The following CRK variants were observed in gnomAD, a reference collection of about 807,000 sequenced individuals.
CRK encodes the protein adapter molecule crk.
A neutral mutation model predicts 29.8 loss-of-function variants in CRK; 4 were observed. The observed-to-expected ratio is 0.13, with a 90% confidence interval of 0.07 to 0.31. The LOEUF (loss-of-function observed/expected upper bound fraction) is 0.31, where lower values mean the gene tolerates loss of function less well. Among genes scored for constraint, CRK ranks in the 10% least tolerant of loss-of-function variants. The pLI, the probability that CRK is intolerant of heterozygous loss-of-function variation, is 1.00. For synonymous variants in CRK, 153 were observed against 164.9 expected, an observed-to-expected ratio of 0.93 and a Z score of 0.55; for missense variants, 274 against 396.5, an observed-to-expected ratio of 0.69 and a Z score of 2.62.
At chr17:1,428,521 C>CTTTTTTTTTTT (rs754259440) in intron 2 of CRK, among the ~76,000 whole-genome samples, 2 of 111,198 alleles carry the variant, frequency 1.8e-5, no homozygotes, top group African/African-American at 3.5e-5. Flanking sequence ...CATATCAGAT[C>CTTTTTTTTTTT]TTTTTTTTTT....
intron 1 of CRK, among the ~76,000 whole-genome samples, chr17:1,448,471 A>C (rs1376676914): frequency 6.6e-6 from 1 of 151,344 alleles, no homozygotes; most frequent in African/African-American, 2.4e-5. Flanking sequence ...AAAAATGCAA[A>C]AATTAGCTGG....
intron 2 of CRK, among the ~76,000 whole-genome samples, chr17:1,431,163 C>T (rs151028854): frequency 0.011 from 1,748 of 152,272 alleles, 30 homozygotes; most frequent in African/African-American, 0.032. Flanking sequence ...CTCCTGAGGT[C>T]CCAAAGGCAC....
chr17:1,438,189 G>C (rs1035232352), intron 1 of CRK, among the ~76,000 whole-genome samples: 1 of 152,060 alleles, frequency 6.6e-6, no homozygotes, highest in Non-Finnish European at 1.5e-5. Flanking sequence ...GAGTGCAGTG[G>C]CACAATCACA....
At chr17:1,450,476 C>T (rs536705547) in intron 1 of CRK, among the ~76,000 whole-genome samples, 2 of 151,990 alleles carry the variant, frequency 1.3e-5, no homozygotes, top group Admixed American at 6.6e-5. Flanking sequence ...CACTGCCCTC[C>T]GGCCCGGCGT....
chr17:1,452,167 G>C (rs529473066), intron 1 of CRK, among the ~76,000 whole-genome samples: 14 of 152,274 alleles, frequency 9.2e-5, no homozygotes, highest in African/African-American at 3.1e-4. Flanking sequence ...ACTTCTGAAA[G>C]TCATTTATTA....
In CRK at chr17:1,453,649, G is replaced by C. The variant is rs1005540483; in HGVS notation, c.241+2228C>G. Reference sequence around the variant, plus strand: ...AGACTGGGTGTGGTGGCTCACGCCTGTAATCCCAACACTTTGGGAGTCTGA... The same window carrying C: ...AGACTGGGTGTGGTGGCTCACGCCTCTAATCCCAACACTTTGGGAGTCTGA... On this transcript the variant is annotated intron_variant, in intron 1 of 2. Transcript: ENST00000300574. 2.6e-5 allele frequency among the ~76,000 whole-genome samples: 4 copies of C among 152,216 alleles called. No individual in the cohort carries two copies. The South Asian group carries it at 8.3e-4, about 31-fold the overall frequency.
At chr17:1,433,897 A>G (rs2073867130) in intron 2 of CRK, among the ~76,000 whole-genome samples, 1 of 141,730 alleles carries the variant, frequency 7.1e-6, no homozygotes, top group South Asian at 2.2e-4. Flanking sequence ...ACCGGATCTC[A>G]CCATGTTGCC....
chr17:1,446,590 C>CTTTTT (rs56660089), intron 1 of CRK, among the ~76,000 whole-genome samples: 30 of 125,442 alleles, frequency 2.4e-4, no homozygotes, highest in Non-Finnish European at 2.9e-4. Context: ...CTCACTATGA[C>CTTTTT]TTTTTTTTTT....
Position 1,433,249 on chromosome 17 carries a change from G to A in CRK, c.777+3371C>T, listed in dbSNP as rs555389838. 1.9e-3 allele frequency among the ~76,000 whole-genome samples: 282 copies of A among 152,258 alleles called. 3 individuals are homozygous for A. Among genetic ancestry groups the A allele is most frequent in the African/African-American group, 6.1e-3 (255 of 41,566 alleles). On this transcript the variant is annotated intron_variant, in intron 2 of 2. Transcript: ENST00000300574. ...CACAGAACTGGTTTTCTTTGCTGGCGCAAACCCAGGTGACTGCTTTTCTAG... is the reference window on the plus strand; with the variant it reads ...CACAGAACTGGTTTTCTTTGCTGGCACAAACCCAGGTGACTGCTTTTCTAG...
In CRK at chr17:1,445,143, G is replaced by A. The variant is rs1428446081; in HGVS notation, c.242-7988C>T. Among the ~76,000 whole-genome samples the A allele has an allele frequency of 7.5e-5, 8 of 106,846 alleles. No individual in the cohort carries two copies. The South Asian group carries it at 9.5e-4, about 13-fold the overall frequency. 70.1% of individuals were successfully genotyped at this position (106,846 alleles called of 152,430 possible). On this transcript the variant is annotated intron_variant, in intron 1 of 2. Transcript: ENST00000300574. ...AGCCTGGGCGACAGAGCGAGACACCGTCAAAAAAAAAAAAAAATCATTCCA... is the reference window on the plus strand; with the variant it reads ...AGCCTGGGCGACAGAGCGAGACACCATCAAAAAAAAAAAAAAATCATTCCA...
intron 1 of CRK, among the ~76,000 whole-genome samples, chr17:1,441,403 A>T (rs1568016937): frequency 6.6e-6 from 1 of 152,040 alleles, no homozygotes; most frequent in Non-Finnish European, 1.5e-5. Context: ...ATCACAGCTC[A>T]CCGCAGTCTC....
chr17:1,444,104 G>T (rs760973767), intron 1 of CRK, among the ~76,000 whole-genome samples: 12 of 151,980 alleles, frequency 7.9e-5, no homozygotes, highest in Non-Finnish European at 1.5e-4. Flanking sequence ...AAAGTGTTGG[G>T]ATTATAGGCA....
intron 2 of CRK, among the ~76,000 whole-genome samples, chr17:1,434,541 G>C (rs2073872813): frequency 6.6e-6 from 1 of 152,280 alleles, no homozygotes; most frequent in African/African-American, 2.4e-5. Flanking sequence ...CCAGCACTTT[G>C]GGAGGCTGAG....
In CRK at chr17:1,422,863, A is replaced by G. The variant is rs2073741071; in HGVS notation, c.*650T>C. ...TCACCTGGAATGAAAATACACACTTATCTTAGGAATTCACCTACTTACAGG... is the reference window on the plus strand; with the variant it reads ...TCACCTGGAATGAAAATACACACTTGTCTTAGGAATTCACCTACTTACAGG... On this transcript the variant is annotated 3_prime_UTR_variant, in exon 3 of 3. Coordinates refer to ENST00000300574, the MANE Select transcript of CRK (RefSeq NM_016823.4). 2.5e-6 allele frequency: 1 copy of G among 398,510 alleles called. No individual in the cohort carries two copies. The highest frequency in any genetic ancestry group is 4.4e-5 in the Admixed American group (1 of 22,716). 24.7% of individuals were successfully genotyped at this position (398,510 alleles called of 1,614,324 possible).
chr17:1,437,190 G>A (rs985436541), intron 1 of CRK, 35 bp from the exon 2 acceptor site: 9 of 1,531,028 alleles, frequency 5.9e-6, no homozygotes, highest in Middle Eastern at 1.7e-4. Context: ...ATTTAATGAT[G>A]TACTACACTG....
chr17:1,426,610 A>T (rs150538417), intron 2 of CRK: 2 of 152,314 alleles, frequency 1.3e-5, no homozygotes, highest in African/African-American at 2.4e-5. Context: ...GCACGCCTAT[A>T]ATCTCAGCAC....
chr17:1,450,426 G>C (rs560124883), intron 1 of CRK, among the ~76,000 whole-genome samples: 2 of 151,944 alleles, frequency 1.3e-5, no homozygotes, highest in Non-Finnish European at 2.9e-5. Flanking sequence ...AGAATGACGT[G>C]AACCCGGCAG....
intron 2 of CRK, among the ~76,000 whole-genome samples, chr17:1,425,978 CCA>C (rs1224439796): frequency 1.3e-5 from 2 of 152,064 alleles, no homozygotes; most frequent in Non-Finnish European, 2.9e-5. Flanking sequence ...TGGCTTGAGC[CCA>C]TGATTTTGAG....
intron 1 of CRK, among the ~76,000 whole-genome samples, chr17:1,441,447 G>A (rs562969771): frequency 1.3e-5 from 2 of 152,192 alleles, no homozygotes; most frequent in African/African-American, 4.8e-5. Flanking sequence ...TCCCACCTCA[G>A]CCTTCTGAGT....
Sources: allele counts gnomAD v4.1 joint callset (sites outside exome capture counted in the v4.1 genomes callset), GRCh38; gene constraint gnomAD v4.1.1; transcripts MANE v1.5; gene names NCBI Gene and HGNC (gene_info 2026-07-23, HGNC 2026-07-21).